SMARCB1: variants seen among roughly 807,000 people sequenced by gnomAD.
The protein encoded by SMARCB1 is SWI/SNF-related matrix-associated actin-dependent regulator of chromatin subfamily B member 1.
A neutral mutation model predicts 49.0 loss-of-function variants in SMARCB1; 5 were observed. The ratio of observed to expected loss-of-function variants is 0.10; its 90% CI spans 0.05 to 0.21. The LOEUF is 0.21. SMARCB1 is among the 10% of genes least tolerant of loss of function. The pLI is 1.00. For missense variants in SMARCB1, 226 were observed against 509.2 expected (o/e 0.44, Z 5.35); for synonymous variants, 201 against 200.1 (o/e 1.00, Z -0.04).
At chr22:23,791,064 C>T (rs1315721171) in intron 1 of SMARCB1, among the ~76,000 whole-genome samples, 1 of 152,124 alleles carries the variant, frequency 6.6e-6, no homozygotes, top group East Asian at 1.9e-4. Context: ...TGGCCATCCC[C>T]TGCAATGTGA....
chr22:23,817,012 A>AC (rs1226083174), intron 6 of SMARCB1, 76 bp downstream of exon 6: 8 of 1,218,714 alleles, frequency 6.6e-6, no homozygotes, highest in Non-Finnish European at 8.4e-6. Context: ...CTGAGGGTAC[A>AC]CCAAGGCCTC....
At position 23,833,641 on chromosome 22, in the gene SMARCB1, G is replaced by A. The variant is rs2146042328; in HGVS notation, c.1056G>A (p.Leu352=). 1 of 1,614,214 alleles carries A rather than the reference G, an allele frequency of 6.2e-7. No individual in the cohort carries two copies. Among genetic ancestry groups the A allele is most frequent in the Non-Finnish European group, 8.5e-7 (1 of 1,180,038 alleles). ...NTGDADQWCP[L]LETLTDAEME... ...GCGATGCGGACCAGTGGTGCCCACT[G>A]CTGGAGACTCTGACAGACGCTGAGA... The change falls in exon 8 of 9, where the codon CTG becomes CTA. Residue 352 remains leucine, a synonymous_variant. Transcript: ENST00000644036.
chr22:23,837,720 C>A lies in SMARCB1; in HGVS notation c.*3540C>A, dbSNP rs139269814. 9.9e-6 allele frequency: 16 copies of A among 1,613,912 alleles called. No individual in the cohort carries two copies. The highest frequency in any genetic ancestry group is 1.4e-5 in the Non-Finnish European group (16 of 1,180,014). Reference sequence around the variant, plus strand: ...GCGAGAAGCCCATGAGCGCCCAAGGCAGGAACGGTGCCTGGAAAGTGAGCA... The same window carrying A: ...GCGAGAAGCCCATGAGCGCCCAAGGAAGGAACGGTGCCTGGAAAGTGAGCA... On this transcript the variant is annotated 3_prime_UTR_variant, in exon 9 of 9. Transcript: ENST00000644036.
Position 23,835,986 on chromosome 22 carries a change from G to A in SMARCB1, c.*1806G>A. The A allele has an allele frequency of 6.1e-6, 6 of 985,526 alleles. No individual in the cohort carries two copies. The highest frequency in any genetic ancestry group is 7.2e-6 in the Non-Finnish European group (6 of 829,974). 61.0% of individuals were successfully genotyped at this position (985,526 alleles called of 1,614,324 possible). A position where few individuals can be genotyped will look rare whatever the true frequency, so the allele number is the denominator to read the frequency against. ...ATGAAAATGACAACCTGTCTTTGGA[G>A]GAGGCCCCGTGCCACTGAGCATCCA... On this transcript the variant is annotated 3_prime_UTR_variant, in exon 9 of 9. Coordinates refer to ENST00000644036, the MANE Select transcript of SMARCB1 (RefSeq NM_003073.5).
Position 23,835,752 on chromosome 22 carries a change from G to A in SMARCB1, c.*1572G>A. ...GAGGTAGGAACCTCGGCAATGAAAG[G>A]GTGAGGCAGCCCTGTGTCTCCACAA... is the stretch of plus-strand genomic sequence containing the variant. On this transcript the variant is annotated 3_prime_UTR_variant, in exon 9 of 9. Transcript: ENST00000644036. 10 of 985,454 alleles carry A rather than the reference G, an allele frequency of 1.0e-5. No individual in the cohort carries two copies. Among genetic ancestry groups the A allele is most frequent in the Non-Finnish European group, 1.2e-5 (10 of 829,934 alleles). The allele number at this position is 985,454 out of a possible 1,614,324, so 61.0% of individuals were successfully genotyped here.
intron 6 of SMARCB1, among the ~76,000 whole-genome samples, chr22:23,821,223 G>A (rs2064003796): frequency 6.6e-6 from 1 of 152,240 alleles, no homozygotes; most frequent in Admixed American, 6.5e-5. Flanking sequence ...CTTTGGGTCA[G>A]ACCAGATGTC....
intron 3 of SMARCB1, among the ~76,000 whole-genome samples, chr22:23,795,519 G>T (rs1601394082): frequency 6.6e-6 from 1 of 152,104 alleles, no homozygotes; most frequent in East Asian, 2.0e-4. Context: ...GCCTCGCATG[G>T]TGGTGCATGC....
intron 1 of SMARCB1, among the ~76,000 whole-genome samples, chr22:23,790,384 A>G (rs937899756): frequency 6.6e-6 from 1 of 152,156 alleles, no homozygotes; most frequent in African/African-American, 2.4e-5. Flanking sequence ...GATTACAGTC[A>G]CTGCTGAAAA....
Position 23,837,661 on chromosome 22 carries a change from A to G in SMARCB1, c.*3481A>G, listed in dbSNP as rs2031192964. 6.2e-7 allele frequency: 1 copy of G among 1,612,120 alleles called. No individual in the cohort carries two copies. Among genetic ancestry groups the G allele is most frequent in the South Asian group, 1.1e-5 (1 of 91,010 alleles). On this transcript the variant is annotated 3_prime_UTR_variant, in exon 9 of 9. Transcript: ENST00000644036. ...ACTAGATGTACCGGGAGGCTCACCC[A>G]GCAGGTCCACGAGGATGGAGTTGCC...
At position 23,836,414 on chromosome 22, in the gene SMARCB1, G is replaced by A; in HGVS notation, c.*2234G>A. ...CACAACCTAGGAGACGCCTGTCCTG[G>A]CCCCAGCAGCCGAAATCTGGTGAAC... is the stretch of plus-strand genomic sequence containing the variant. On this transcript the variant is annotated 3_prime_UTR_variant, in exon 9 of 9. Transcript: ENST00000644036. 1.0e-6 allele frequency: 1 copy of A among 987,648 alleles called. No homozygotes were observed. The highest frequency in any genetic ancestry group is 1.2e-6 in the Non-Finnish European group (1 of 831,568). 61.2% of individuals were successfully genotyped at this position (987,648 alleles called of 1,614,324 possible).
rs551310409 is a variant in SMARCB1 at position 23,836,091 on chromosome 22, C to T, written c.*1911C>T. 5.1e-6 allele frequency: 5 copies of T among 985,474 alleles called. No individual in the cohort carries two copies. In the East Asian group the frequency reaches 4.5e-4, roughly 89 times the overall value. 61.0% of individuals were successfully genotyped at this position (985,474 alleles called of 1,614,324 possible). A position where few individuals can be genotyped will look rare whatever the true frequency, so the allele number is the denominator to read the frequency against. On this transcript the variant is annotated 3_prime_UTR_variant, in exon 9 of 9. Coordinates refer to ENST00000644036, the MANE Select transcript of SMARCB1 (RefSeq NM_003073.5). ...GAAGAGAAAAATGAGCCACAGGGGT[C>T]GGATAAGGCTCACACACGTCCTCAG...
Position 23,834,495 on chromosome 22 carries a change from A to G in SMARCB1, c.*315A>G, listed in dbSNP as rs1335021895. The stretch of plus-strand genomic sequence containing the variant: ...TAACAGTTTTTAAATAAAAGGCAAC[A>G]GGTCATGTTCAATTTCTTCAACAGG... On this transcript the variant is annotated 3_prime_UTR_variant, in exon 9 of 9. Transcript: ENST00000644036. 5.9e-6 allele frequency: 3 copies of G among 507,764 alleles called. No individual in the cohort carries two copies. Among genetic ancestry groups the G allele is most frequent in the Non-Finnish European group, 1.1e-5 (3 of 270,098 alleles). 31.5% of individuals were successfully genotyped at this position (507,764 alleles called of 1,614,324 possible). A position where few individuals can be genotyped will look rare whatever the true frequency, so the allele number is the denominator to read the frequency against.
At chr22:23,787,779 G>A (rs934455210) in intron 1 of SMARCB1, among the ~76,000 whole-genome samples, 1 of 152,144 alleles carries the variant, frequency 6.6e-6, no homozygotes, top group Non-Finnish European at 1.5e-5. Flanking sequence ...TTTGTTTACC[G>A]GTGAAGAAAC....
intron 5 of SMARCB1, among the ~76,000 whole-genome samples, chr22:23,805,200 G>A (rs1168081222): frequency 6.6e-6 from 1 of 152,198 alleles, no homozygotes; most frequent in African/African-American, 2.4e-5. Context: ...TGTCCCGTAG[G>A]TCCCACAGGT....
intron 2 of SMARCB1, chr22:23,792,761 T>G (rs1928478305): frequency 6.5e-6 from 1 of 154,606 alleles, no homozygotes; most frequent in South Asian, 2.0e-4. Context: ...ACATTTCCAC[T>G]CACTTGCTTA....
At chr22:23,790,354 G>A (rs1040113589) in intron 1 of SMARCB1, among the ~76,000 whole-genome samples, 5 of 152,126 alleles carry the variant, frequency 3.3e-5, no homozygotes, top group African/African-American at 9.7e-5. Context: ...TTCTCTCAGC[G>A]TTCAGTAGCC....
At chr22:23,802,737 CA>C in intron 4 of SMARCB1, 1 of 219,042 alleles carries the variant, frequency 4.6e-6, no homozygotes, top group Non-Finnish European at 9.2e-6. Flanking sequence ...TTTATCTTCC[CA>C]AAGTACTCCA....
At chr22:23,816,489 C>T in intron 5 of SMARCB1, 1 of 583,378 alleles carries the variant, frequency 1.7e-6, no homozygotes, top group South Asian at 2.0e-5. Flanking sequence ...GGGATAATCT[C>T]ATGCGCCCAC....
chr22:23,797,609 C>CTTTTTTTT (rs71184910), intron 3 of SMARCB1, among the ~76,000 whole-genome samples: 2 of 36,292 alleles, frequency 5.5e-5, no homozygotes, highest in African/African-American at 1.4e-4. Flanking sequence ...TGCGCCTGGC[C>CTTTTTTTT]TTTTTTTTTT....
Sources: gnomAD v4.1 joint callset for allele counts (sites outside exome capture counted in the v4.1 genomes callset) on GRCh38, gnomAD v4.1.1 for gene constraint, MANE v1.5 for transcripts, NCBI Gene and HGNC (gene_info 2026-07-23, HGNC 2026-07-21) for gene names.